Variants in STYX observed in about 807,000 individuals in gnomAD.
STYX encodes the protein serine/threonine/tyrosine interacting protein, also known as serine/threonine/tyrosine-interacting protein.
In STYX, 20 loss-of-function variants were observed where a neutral mutation model predicts 42.7. The ratio of observed to expected loss-of-function variants is 0.47; its 90% CI spans 0.33 to 0.68. The LOEUF (loss-of-function observed/expected upper bound fraction) is 0.68, where lower values mean the gene tolerates loss of function less well. Among genes scored for constraint, STYX ranks in the 30% least tolerant of loss-of-function variants. STYX has a pLI of 0.02. For synonymous variants in STYX, 78 were observed against 81.9 expected, an observed-to-expected ratio of 0.95 and a Z score of 0.26; for missense variants, 226 against 268.5, an observed-to-expected ratio of 0.84 and a Z score of 1.11.
chr14:52,746,212 A>C (rs551533011), intron 2 of STYX, among the ~76,000 whole-genome samples: 25 of 152,244 alleles, frequency 1.6e-4, no homozygotes, highest in Middle Eastern at 3.4e-3. Flanking sequence ...AAGGATCACT[A>C]GAGCCCAGGA....
chr14:52,730,655 G>A, intron 1 of STYX, 124 bp downstream of exon 1: 1 of 1,072,346 alleles, frequency 9.3e-7, no homozygotes, highest in Admixed American at 2.6e-5. Flanking sequence ...AGGGCGTCCC[G>A]GGACCTCTGA....
At chr14:52,738,277 G>A (rs935675385) in intron 1 of STYX, among the ~76,000 whole-genome samples, 1 of 152,176 alleles carries the variant, frequency 6.6e-6, no homozygotes, top group African/African-American at 2.4e-5. Context: ...CTTCTTATCT[G>A]TCCTGTGACT....
At chr14:52,761,088 G>C (rs920291798) in intron 9 of STYX, among the ~76,000 whole-genome samples, 5 of 152,108 alleles carry the variant, frequency 3.3e-5, no homozygotes, top group African/African-American at 7.2e-5. Flanking sequence ...CAGCACTTAG[G>C]GAGGCCGAGG....
chr14:52,734,860 G>T (rs1476445510), intron 1 of STYX, among the ~76,000 whole-genome samples: 1 of 152,132 alleles, frequency 6.6e-6, no homozygotes, highest in East Asian at 1.9e-4. Flanking sequence ...AGGAGATCAA[G>T]ACCATCCTGG....
chr14:52,772,997 T>C lies in STYX; in HGVS notation c.*1891T>C, dbSNP rs1882573219. 6.6e-6 allele frequency: 1 copy of C among 152,174 alleles called. No homozygotes were observed. The highest frequency in any genetic ancestry group is 1.5e-5 in the Non-Finnish European group (1 of 68,036). 9.4% of individuals were successfully genotyped at this position (152,174 alleles called of 1,614,324 possible). On this transcript the variant is annotated 3_prime_UTR_variant, in exon 11 of 11. Transcript: ENST00000354586. ...CAGCTTTCCTGTATATAGATCACTA[T>C]TGGGCAGGTCAGCAAAGATCTCTTA...
At chr14:52,760,692 CAG>C (rs1036045343) in intron 9 of STYX, among the ~76,000 whole-genome samples, 5 of 152,084 alleles carry the variant, frequency 3.3e-5, no homozygotes, top group African/African-American at 4.8e-5. Context: ...AAAAGAGAAA[CAG>C]TGTCATCTGT....
intron 1 of STYX, among the ~76,000 whole-genome samples, chr14:52,731,386 A>G (rs536247897): frequency 1.1e-4 from 16 of 148,354 alleles, no homozygotes; most frequent in Admixed American, 2.0e-4. Flanking sequence ...AGACCATTCA[A>G]TTTATTCCGA....
chr14:52,753,136 C>T lies in STYX; in HGVS notation c.242+2356C>T, dbSNP rs901468717. 5.3e-5 allele frequency among the ~76,000 whole-genome samples: 8 copies of T among 150,472 alleles called. No individual in the cohort carries two copies. The East Asian group carries it at 1.2e-3, about 22-fold the overall frequency. On this transcript the variant is annotated intron_variant, in intron 4 of 10. Coordinates refer to ENST00000354586, the MANE Select transcript of STYX (RefSeq NM_145251.4). ...CATGATCTCGGCTCACTGCATCCTC[C>T]GCCTCCCAGGTTTAAGCAATTCTCT...
At chr14:52,761,328 C>CA (rs55985975) in intron 9 of STYX, among the ~76,000 whole-genome samples, 47,057 of 106,342 alleles carry the variant, frequency 0.44, 8,461 homozygotes, top group Admixed American at 0.48. Context: ...AACTCCGTGT[C>CA]AAAAAAAAAA....
At chr14:52,764,816 AT>A (rs1298362406) in intron 9 of STYX, among the ~76,000 whole-genome samples, 1 of 151,436 alleles carries the variant, frequency 6.6e-6, no homozygotes, top group Non-Finnish European at 1.5e-5. Flanking sequence ...TTACAGACAT[AT>A]GTCACCACAT....
At chr14:52,770,613 C>T (rs574765662) in intron 10 of STYX, among the ~76,000 whole-genome samples, 30 of 152,192 alleles carry the variant, frequency 2.0e-4, no homozygotes, top group South Asian at 8.3e-4. Context: ...CTCTTCATAA[C>T]AGCCTCTGTG....
At chr14:52,752,159 C>T (rs1431425674) in intron 4 of STYX, among the ~76,000 whole-genome samples, 2 of 126,534 alleles carry the variant, frequency 1.6e-5, no homozygotes, top group African/African-American at 5.8e-5. Context: ...GACACCGTCT[C>T]AAAAACAAAA....
At chr14:52,746,908 C>G (rs1001464077) in intron 3 of STYX, among the ~76,000 whole-genome samples, 3 of 152,174 alleles carry the variant, frequency 2.0e-5, no homozygotes, top group African/African-American at 4.8e-5. Flanking sequence ...CACCTTAGTT[C>G]TGTTTTGCCA....
intron 9 of STYX, among the ~76,000 whole-genome samples, chr14:52,762,594 A>G (rs909140698): frequency 2.7e-5 from 4 of 150,738 alleles, no homozygotes; most frequent in Admixed American, 2.6e-4. Context: ...TTTTTTCTGT[A>G]CTATCCTTTT....
chr14:52,760,694 G>A (rs1185567476), intron 9 of STYX, among the ~76,000 whole-genome samples: 1 of 152,088 alleles, frequency 6.6e-6, no homozygotes, highest in Non-Finnish European at 1.5e-5. Flanking sequence ...AAGAGAAACA[G>A]TGTCATCTGT....
intron 1 of STYX, among the ~76,000 whole-genome samples, chr14:52,739,764 C>G (rs1881113323): frequency 6.6e-6 from 1 of 151,084 alleles, no homozygotes; most frequent in African/African-American, 2.4e-5. Context: ...GCCTCAGCCT[C>G]CCAAGTAGCT....
At position 52,753,806 on chromosome 14, in the gene STYX, G is replaced by A. The variant is rs1881733045; in HGVS notation, c.243-2745G>A. Among the ~76,000 whole-genome samples the A allele has an allele frequency of 2.0e-5, 3 of 148,398 alleles. No homozygotes were observed. The Admixed American group carries it at 2.0e-4, about 10-fold the overall frequency. On this transcript the variant is annotated intron_variant, in intron 4 of 10. Coordinates refer to ENST00000354586, the MANE Select transcript of STYX (RefSeq NM_145251.4). ...ATGAAATTCTTGGATATGGAGGGCT[G>A]ACTCTTTACTTTTGTAGTGTTTTTT... is the stretch of plus-strand genomic sequence containing the variant.
rs145575207 is a variant in STYX, at chr14:52,770,217, A to G, written c.599-816A>G. Among the ~76,000 whole-genome samples the G allele has an allele frequency of 6.2e-3, 948 of 152,204 alleles. 5 individuals are homozygous for G. The highest frequency in any genetic ancestry group is 0.011 in the Non-Finnish European group (749 of 67,950). ...GGGCTAGGATATTTTATCTCATTCA[A>G]TTGTATTGATACTATATTTTTATCT... On this transcript the variant is annotated intron_variant, in intron 10 of 10. Transcript: ENST00000354586.
chr14:52,735,879 A>G (rs922999898), intron 1 of STYX, among the ~76,000 whole-genome samples: 1 of 152,258 alleles, frequency 6.6e-6, no homozygotes, highest in African/African-American at 2.4e-5. Context: ...ACAAAAATTT[A>G]GATCAGTCAG....
Sources: allele counts gnomAD v4.1 joint callset (sites outside exome capture counted in the v4.1 genomes callset), GRCh38; gene constraint gnomAD v4.1.1; transcripts MANE v1.5; gene names NCBI Gene and HGNC (gene_info 2026-07-23, HGNC 2026-07-21).